Variants in TRDN observed in about 807,000 individuals in gnomAD.
The protein encoded by TRDN is triadin in skeletal muscle.
A neutral mutation model predicts 149.7 loss-of-function variants in TRDN; 161 were observed. The ratio of observed to expected loss-of-function variants is 1.08; its 90% CI spans 0.95 to 1.23. The LOEUF (loss-of-function observed/expected upper bound fraction) is 1.23. TRDN is among the 50% of genes most tolerant of loss of function. The pLI is 0.00. For synonymous variants in TRDN, 294 were observed against 250.5 expected (o/e 1.17, Z -1.64); for missense variants, 896 against 823.5 (o/e 1.09, Z -1.08).
chr6:123,226,007 G>T (rs532778970), intron 38 of TRDN, among the ~76,000 whole-genome samples: 58 of 151,852 alleles, frequency 3.8e-4, no homozygotes, highest in African/African-American at 1.3e-3. Context: ...TGCAAATTTC[G>T]TCTAACAGGA....
chr6:123,599,205 A>G (rs1411753223), intron 1 of TRDN, among the ~76,000 whole-genome samples: 1 of 152,132 alleles, frequency 6.6e-6, no homozygotes, highest in Non-Finnish European at 1.5e-5. Context: ...AGGGGAAATT[A>G]CTTCAGCTCT....
intron 1 of TRDN, among the ~76,000 whole-genome samples, chr6:123,620,751 CT>C (rs1785340523): frequency 6.6e-6 from 1 of 152,088 alleles, no homozygotes; most frequent in African/African-American, 2.4e-5. Flanking sequence ...AAGTTGTCAC[CT>C]TTTAAAGATG....
chr6:123,633,396 G>T (rs568750183), intron 1 of TRDN, among the ~76,000 whole-genome samples: 1 of 152,086 alleles, frequency 6.6e-6, no homozygotes, highest in East Asian at 1.9e-4. Flanking sequence ...TGACTCTGTG[G>T]TCAGGCATGG....
At chr6:123,617,989 G>A (rs1451078066) in intron 1 of TRDN, among the ~76,000 whole-genome samples, 2 of 151,964 alleles carry the variant, frequency 1.3e-5, no homozygotes, top group African/African-American at 2.4e-5. Flanking sequence ...CGCCCATCTC[G>A]GCCTCCCAAA....
At chr6:123,394,761 T>C (rs1191304146) in intron 12 of TRDN, among the ~76,000 whole-genome samples, 3 of 152,160 alleles carry the variant, frequency 2.0e-5, no homozygotes, top group African/African-American at 7.2e-5. Flanking sequence ...TAAATATTAC[T>C]TGATTCATAA....
chr6:123,633,162 A>C (rs1202094242), intron 1 of TRDN, among the ~76,000 whole-genome samples: 1 of 152,074 alleles, frequency 6.6e-6, no homozygotes, highest in Non-Finnish European at 1.5e-5. Flanking sequence ...GCGTTCTAGT[A>C]AATACTAAGT....
intron 38 of TRDN, among the ~76,000 whole-genome samples, chr6:123,235,977 A>G (rs1210968815): frequency 6.6e-6 from 1 of 152,172 alleles, no homozygotes; most frequent in Non-Finnish European, 1.5e-5. Context: ...GCGATTGTGA[A>G]TATAGCTGCA....
chr6:123,323,732 T>C lies in TRDN; in HGVS notation c.1472-7237A>G, dbSNP rs117062129. On this transcript the variant is annotated intron_variant, in intron 23 of 40. Coordinates refer to ENST00000334268, the MANE Select transcript of TRDN (RefSeq NM_006073.4). ...ACAGAATAAATGCATACATTGTCCC[T>C]GCCTTATTCTGTCATCATTTCATTT... is the stretch of plus-strand genomic sequence containing the variant. Among the ~76,000 whole-genome samples, 919 of 152,354 alleles carry C rather than the reference T, an allele frequency of 6.0e-3. 4 individuals are homozygous for C. Among genetic ancestry groups the C allele is most frequent in the Non-Finnish European group, 9.8e-3 (664 of 68,032 alleles).
intron 10 of TRDN, among the ~76,000 whole-genome samples, chr6:123,452,385 A>G (rs552096866): frequency 6.6e-6 from 1 of 152,224 alleles, no homozygotes; most frequent in East Asian, 1.9e-4. Flanking sequence ...AACTGATAAA[A>G]TAATTCAGCA....
At chr6:123,414,385 T>C (rs1209924171) in intron 12 of TRDN, among the ~76,000 whole-genome samples, 1 of 152,134 alleles carries the variant, frequency 6.6e-6, no homozygotes, top group African/African-American at 2.4e-5. Context: ...AATTTTCACA[T>C]TGCCATGATA....
chr6:123,318,962 A>G (rs1779139788), intron 23 of TRDN, among the ~76,000 whole-genome samples: 1 of 152,084 alleles, frequency 6.6e-6, no homozygotes, highest in Admixed American at 6.6e-5. Context: ...AATGCTAAAG[A>G]TGACCTTAGG....
chr6:123,448,576 GC>G (rs1448606012), intron 10 of TRDN, among the ~76,000 whole-genome samples: 1 of 151,954 alleles, frequency 6.6e-6, no homozygotes, highest in Non-Finnish European at 1.5e-5. Context: ...AGCAGCTACA[GC>G]AAGACCCACC....
At chr6:123,248,384 C>A (rs1457254621) in intron 38 of TRDN, among the ~76,000 whole-genome samples, 1 of 151,918 alleles carries the variant, frequency 6.6e-6, no homozygotes, top group East Asian at 1.9e-4. Context: ...TGGTGAGACC[C>A]TGTCTCTACT....
intron 1 of TRDN, among the ~76,000 whole-genome samples, chr6:123,573,309 A>C (rs1375393918): frequency 6.6e-6 from 1 of 152,042 alleles, no homozygotes; most frequent in Non-Finnish European, 1.5e-5. Flanking sequence ...TGTTTGACAC[A>C]TTTCCTGGTA....
intron 4 of TRDN, among the ~76,000 whole-genome samples, chr6:123,533,760 A>T (rs1219808225): frequency 6.6e-6 from 1 of 152,092 alleles, no homozygotes; most frequent in Non-Finnish European, 1.5e-5. Flanking sequence ...ATGCTAGGGT[A>T]AATGTATTAT....
At chr6:123,297,512 AAT>A (rs1778246647) in intron 24 of TRDN, among the ~76,000 whole-genome samples, 1 of 152,074 alleles carries the variant, frequency 6.6e-6, no homozygotes, top group South Asian at 2.1e-4. Flanking sequence ...GACATTATAC[AAT>A]GATTATTTAA....
chr6:123,514,233 C>G (rs1414352485), intron 6 of TRDN, among the ~76,000 whole-genome samples: 1 of 151,916 alleles, frequency 6.6e-6, no homozygotes, highest in East Asian at 1.9e-4. Context: ...GGTGTGGTGG[C>G]ACATGTCTGT....
chr6:123,479,512 C>T (rs538058406), intron 9 of TRDN, among the ~76,000 whole-genome samples: 2 of 152,282 alleles, frequency 1.3e-5, no homozygotes, highest in South Asian at 4.1e-4. Flanking sequence ...ATTCTGCACT[C>T]ACATATTAAA....
At chr6:123,624,890 A>C (rs1419664754) in intron 1 of TRDN, among the ~76,000 whole-genome samples, 6 of 152,144 alleles carry the variant, frequency 3.9e-5, no homozygotes, top group South Asian at 2.1e-4. Context: ...ACTGTTAAAA[A>C]CGAATCAGAA....
Sources: gnomAD v4.1 joint callset for allele counts (sites outside exome capture counted in the v4.1 genomes callset) on GRCh38, gnomAD v4.1.1 for gene constraint, MANE v1.5 for transcripts, NCBI Gene and HGNC (gene_info 2026-07-23, HGNC 2026-07-21) for gene names.